The following SLC39A11 variants were observed in gnomAD, a reference collection of about 807,000 sequenced individuals.
SLC39A11 encodes the protein zinc transporter ZIP11.
SLC39A11 carries 33 observed loss-of-function variants against 36.1 expected under a neutral mutation model. The observed-to-expected ratio is 0.91, with a 90% CI of 0.69 to 1.22. The LOEUF is 1.22. Ranked by LOEUF, SLC39A11 falls within the 50% of genes most tolerant of loss-of-function variation. The pLI is 0.00. For missense variants in SLC39A11, 432 were observed against 430.3 expected (o/e 1.00, Z -0.03); for synonymous variants, 166 against 170.3 (o/e 0.97, Z 0.20).
Position 72,912,470 on chromosome 17 carries a change from C to T in SLC39A11, c.430+35282G>A, listed in dbSNP as rs914043437. On this transcript the variant is annotated intron_variant, in intron 5 of 9. Coordinates refer to ENST00000255559, the MANE Select transcript of SLC39A11 (RefSeq NM_139177.4). ...TTTTTAAGTGATGGGGGTCTTGAGC[C>T]GCTACCCAGGCTGGAGTGCAGTGGC... 2.0e-5 allele frequency among the ~76,000 whole-genome samples: 3 copies of T among 151,068 alleles called. 1 individual carries two copies. In the South Asian group the frequency reaches 6.3e-4, roughly 32 times the overall value.
At chr17:72,697,131 G>A (rs1051352150) in intron 7 of SLC39A11, among the ~76,000 whole-genome samples, 4 of 152,112 alleles carry the variant, frequency 2.6e-5, no homozygotes, top group Non-Finnish European at 5.9e-5. Flanking sequence ...CCCCCAGGCT[G>A]GAGTGCAGTG....
chr17:72,722,201 G>A (rs2073712930), intron 7 of SLC39A11, among the ~76,000 whole-genome samples: 2 of 152,072 alleles, frequency 1.3e-5, no homozygotes, highest in African/African-American at 4.8e-5. Context: ...TCCTAGGGCT[G>A]TGACTTCCTT....
chr17:73,084,725 G>C, intron 3 of SLC39A11, 83 bp downstream of exon 3: 1 of 1,375,606 alleles, frequency 7.3e-7, no homozygotes, highest in East Asian at 2.3e-5. Context: ...GTCGCAAGGG[G>C]AGGGACTGAA....
intron 4 of SLC39A11, among the ~76,000 whole-genome samples, chr17:73,014,692 G>A (rs928286919): frequency 2.6e-5 from 4 of 152,290 alleles, no homozygotes; most frequent in Non-Finnish European, 1.5e-5. Flanking sequence ...CAAGCAAACT[G>A]GGGCCCACGT....
chr17:73,062,286 C>G (rs990508502), intron 3 of SLC39A11, among the ~76,000 whole-genome samples: 2 of 151,134 alleles, frequency 1.3e-5, no homozygotes, highest in Non-Finnish European at 2.9e-5. Context: ...ATAGCAAAAC[C>G]CCATCTCTAT....
At chr17:72,908,212 T>C (rs893269928) in intron 5 of SLC39A11, among the ~76,000 whole-genome samples, 33 of 152,222 alleles carry the variant, frequency 2.2e-4, no homozygotes, top group Non-Finnish European at 4.0e-4. Flanking sequence ...CTCTGCCTCC[T>C]GGGATGTTAA....
At chr17:72,861,657 T>TTATAGATATA (rs1555605274) in intron 5 of SLC39A11, among the ~76,000 whole-genome samples, 3 of 50,952 alleles carry the variant, frequency 5.9e-5, no homozygotes, top group Non-Finnish European at 9.8e-5. Flanking sequence ...ATACAACACA[T>TTATAGATATA]TATATATATA....
chr17:72,981,960 T>C (rs2088351907), intron 4 of SLC39A11, among the ~76,000 whole-genome samples: 1 of 152,080 alleles, frequency 6.6e-6, no homozygotes, highest in Non-Finnish European at 1.5e-5. Flanking sequence ...GACAAAGCTG[T>C]AGGCCGGAGC....
intron 6 of SLC39A11, among the ~76,000 whole-genome samples, chr17:72,773,644 T>TAC (rs550889404): frequency 0.084 from 6,651 of 78,760 alleles, 178 homozygotes; most frequent in East Asian, 0.19. Flanking sequence ...GAGACCATCT[T>TAC]ACACACACAC....
chr17:72,704,096 C>G (rs1598397014), intron 7 of SLC39A11, among the ~76,000 whole-genome samples: 1 of 152,356 alleles, frequency 6.6e-6, no homozygotes, highest in East Asian at 1.9e-4. Context: ...CCACTGTACT[C>G]TAGCCTGGAC....
At position 73,009,662 on chromosome 17, in the gene SLC39A11, T is replaced by C. The variant is rs141770241; in HGVS notation, c.306+21894A>G. Among the ~76,000 whole-genome samples, 863 of 152,280 alleles carry C rather than the reference T, an allele frequency of 5.7e-3. 5 individuals are homozygous for C. The highest frequency in any genetic ancestry group is 1.0e-2 in the Non-Finnish European group (679 of 68,022). ...TAGCAGTATTGGTTGCAGAAAATTA[T>C]GAAGGTACTAAATGTCACTGAAGTG... On this transcript the variant is annotated intron_variant, in intron 4 of 9. Transcript: ENST00000255559.
At chr17:72,708,984 G>A (rs1476952100) in intron 7 of SLC39A11, among the ~76,000 whole-genome samples, 2 of 150,400 alleles carry the variant, frequency 1.3e-5, no homozygotes, top group African/African-American at 4.9e-5. Context: ...TGCCCAGGCT[G>A]GAGTGCAGTG....
intron 5 of SLC39A11, among the ~76,000 whole-genome samples, chr17:72,850,186 C>A (rs1303861657): frequency 6.6e-6 from 1 of 152,204 alleles, no homozygotes; most frequent in East Asian, 1.9e-4. Context: ...TGGTCACTCA[C>A]GCCTGAAATC....
chr17:73,039,002 A>G (rs2059020801), intron 3 of SLC39A11, among the ~76,000 whole-genome samples: 1 of 152,110 alleles, frequency 6.6e-6, no homozygotes, highest in Non-Finnish European at 1.5e-5. Flanking sequence ...GCCCAAGTCC[A>G]TATTTATTAT....
chr17:72,825,470 G>C (rs1382685636), intron 6 of SLC39A11, among the ~76,000 whole-genome samples: 1 of 152,242 alleles, frequency 6.6e-6, no homozygotes, highest in Non-Finnish European at 1.5e-5. Flanking sequence ...GTGCAGAGGA[G>C]AGTGTGGCAT....
rs928888350 is a variant in SLC39A11 at position 72,722,033 on chromosome 17, G to A, written c.671+14617C>T. Among the ~76,000 whole-genome samples the A allele has an allele frequency of 8.0e-5, 12 of 149,204 alleles. No individual in the cohort carries two copies. In the East Asian group the frequency reaches 2.1e-3, roughly 27 times the overall value. On this transcript the variant is annotated intron_variant, in intron 7 of 9. Transcript: ENST00000255559. ...TGAATTAAAAAATTATTTTTCTCTC[G>A]GATATTATTCTGTCCCAGGGCCCCC...
rs552171645 is a variant in SLC39A11, at chr17:72,672,907, C to A, written c.672-23639G>T. On this transcript the variant is annotated intron_variant, in intron 7 of 9. Transcript: ENST00000255559. ...TACAGGTGTGAGCCACCACGCCTAA[C>A]CCTGCTTCAATAAAGTTTTATTTAA... Among the ~76,000 whole-genome samples, 5 of 152,218 alleles carry A rather than the reference C, an allele frequency of 3.3e-5. No individual in the cohort carries two copies. The South Asian group carries it at 1.0e-3, about 32-fold the overall frequency.
At chr17:73,004,246 GAA>G (rs2148432600) in intron 4 of SLC39A11, among the ~76,000 whole-genome samples, 1 of 118,348 alleles carries the variant, frequency 8.4e-6, no homozygotes, top group East Asian at 2.9e-4. Context: ...GAAAGAAAGA[GAA>G]AAAGCAAGCA....
intron 4 of SLC39A11, among the ~76,000 whole-genome samples, chr17:72,973,677 G>C (rs1406471970): frequency 6.6e-6 from 1 of 152,066 alleles, no homozygotes; most frequent in East Asian, 1.9e-4. Context: ...TCCCACTTCA[G>C]CTTCCCAAGT....
Sources: gnomAD v4.1 joint callset for allele counts (sites outside exome capture counted in the v4.1 genomes callset) on GRCh38, gnomAD v4.1.1 for gene constraint, MANE v1.5 for transcripts, NCBI Gene and HGNC (gene_info 2026-07-23, HGNC 2026-07-21) for gene names.